The following BAHCC1 variants were observed in gnomAD, a reference collection of about 807,000 sequenced individuals.
The protein encoded by BAHCC1 is BAH and coiled-coil domain-containing protein 1.
Under a neutral mutation model 88.2 loss-of-function variants are expected in BAHCC1, and 43 were observed. That is an observed-to-expected ratio of 0.49 (90% CI 0.38 to 0.63). The LOEUF is 0.63. Among genes scored for constraint, BAHCC1 ranks in the 20% least tolerant of loss-of-function variants. The probability of loss-of-function intolerance (pLI) is 0.00; values close to 1 mark genes in which losing one functional copy is unlikely to be tolerated. For missense variants in BAHCC1, 3,023 were observed against 1,654.8 expected, an observed-to-expected ratio of 1.83 and a Z score of -14.34; for synonymous variants, 1,510 against 745.5, an observed-to-expected ratio of 2.03 and a Z score of -16.71.
At chr17:81,445,818 C>T (rs560953450) in intron 10 of BAHCC1, 137 bp downstream of exon 10, 93 of 606,574 alleles carry the variant, frequency 1.5e-4, no homozygotes, top group Non-Finnish European at 6.2e-5. Context: ...CATGGCTGTT[C>T]CCTTCCTCTC....
intron 2 of BAHCC1, chr17:81,410,151 C>T (rs1004355272): frequency 1.2e-5 from 3 of 259,222 alleles, no homozygotes; most frequent in Non-Finnish European, 2.5e-5. Context: ...CTGTGGCCGT[C>T]CGTGTCACCT....
chr17:81,459,496 G>C lies in BAHCC1; in HGVS notation c.5797G>C (p.Val1933Leu), dbSNP rs1474382768. 1 of 779,290 alleles carries C rather than the reference G, an allele frequency of 1.3e-6. No homozygotes were observed. The highest frequency in any genetic ancestry group is 2.4e-5 in the East Asian group (1 of 41,230). The allele number at this position is 779,290 out of a possible 1,614,324, so 48.3% of individuals were successfully genotyped here. A position where few individuals can be genotyped will look rare whatever the true frequency, so the allele number is the denominator to read the frequency against. ...YSLEQLLQEAVLDVRPQSSRY... is the reference protein window; with the variant it reads ...YSLEQLLQEALLDVRPQSSRY... Reference sequence around the variant, plus strand: ...TGGGTCGTCGCCCGCGTTCCTGCAGGTTCTCGATGTGCGGCCACAGTCCAG... The same window carrying C: ...TGGGTCGTCGCCCGCGTTCCTGCAGCTTCTCGATGTGCGGCCACAGTCCAG... Residue 1933 changes from valine to leucine, a missense_variant and splice_region_variant, in exon 23 of 28, where the codon GTT (valine) becomes CTT (leucine). Transcript: ENST00000675386.
chr17:81,456,274 C>T (rs2064747413), intron 15 of BAHCC1, 23 bp from the exon 16 acceptor site: 2 of 700,390 alleles, frequency 2.9e-6, no homozygotes, highest in South Asian at 3.1e-5. Flanking sequence ...CCTGAGAGTG[C>T]AGCTGCCCCT....
chr17:81,429,658 A>G (rs1181373168), intron 3 of BAHCC1, among the ~76,000 whole-genome samples: 1 of 152,150 alleles, frequency 6.6e-6, no homozygotes, highest in Non-Finnish European at 1.5e-5. Context: ...GCCAGCAGGC[A>G]CAGCGGGCTG....
intron 17 of BAHCC1, 92 bp from the exon 18 acceptor site, chr17:81,458,044 GGGTAACCCGGGGGCGGGCAGGGGTTGCTA>G (rs1297767377): frequency 1.7e-5 from 11 of 638,352 alleles, no homozygotes; most frequent in Middle Eastern, 4.2e-4. Flanking sequence ...AGAGGTTGCT[GGGTAACCCGGGGGCGGGCAGGGGTTGCTA>G]GGTAACCAGG....
At chr17:81,409,951 G>A (rs782818451) in intron 2 of BAHCC1, 23 of 203,070 alleles carry the variant, frequency 1.1e-4, no homozygotes, top group East Asian at 3.5e-4. Flanking sequence ...TGAGGGGAGC[G>A]TGTGTAATGG....
intron 1 of BAHCC1, among the ~76,000 whole-genome samples, chr17:81,398,292 C>T (rs1449299329): frequency 6.6e-6 from 1 of 152,210 alleles, no homozygotes; most frequent in African/African-American, 2.4e-5. Flanking sequence ...CCTCCGCACC[C>T]AGAGTCTAAA....
At chr17:81,413,322 A>G (rs1174749365) in intron 2 of BAHCC1, among the ~76,000 whole-genome samples, 2 of 152,068 alleles carry the variant, frequency 1.3e-5, no homozygotes, top group Non-Finnish European at 2.9e-5. Flanking sequence ...GGCCAAGCGT[A>G]AGCCCCGGGC....
intron 3 of BAHCC1, among the ~76,000 whole-genome samples, chr17:81,433,561 CTTAGGGCAGGTGTCATCAGT>C (rs2064295575): frequency 1.3e-5 from 2 of 149,454 alleles, no homozygotes; most frequent in Non-Finnish European, 3.0e-5. Context: ...CCCTCCTGTG[CTTAGGGCAGGTGTCATCAGT>C]CCACCGAGGT....
chr17:81,436,438 G>GGGAAACGGTGTCTGGGAA (rs2064337921), intron 3 of BAHCC1, among the ~76,000 whole-genome samples: 1 of 152,248 alleles, frequency 6.6e-6, no homozygotes, highest in African/African-American at 2.4e-5. Flanking sequence ...CTCCGTGCCT[G>GGGAAACGGTGTCTGGGAA]GGAAACGGTG....
intron 2 of BAHCC1, chr17:81,415,544 C>T (rs782681378): frequency 1.2e-5 from 6 of 516,668 alleles, no homozygotes; most frequent in Non-Finnish European, 2.3e-5. Flanking sequence ...GGTCCCTGCC[C>T]TTTCAGCCTG....
At chr17:81,412,045 C>A (rs2063961346) in intron 2 of BAHCC1, among the ~76,000 whole-genome samples, 1 of 152,222 alleles carries the variant, frequency 6.6e-6, no homozygotes, top group Non-Finnish European at 1.5e-5. Flanking sequence ...CAGCTGGTGA[C>A]CCCCAGGAGG....
intron 2 of BAHCC1, among the ~76,000 whole-genome samples, chr17:81,416,470 T>TGTGC (rs1555648737): frequency 7.6e-4 from 2 of 2,634 alleles, no homozygotes; most frequent in Non-Finnish European, 2.3e-3. Flanking sequence ...GGTGTGTGTG[T>TGTGC]GTGTGTGTGT....
chr17:81,444,788 C>T lies in BAHCC1; in HGVS notation c.2633C>T (p.Pro878Leu), dbSNP rs1555653863. Residue 878 changes from proline to leucine, a missense_variant, in exon 8 of 28, where the codon CCC becomes CTC. Pro to Leu is a moderately conservative substitution (Grantham distance 98). Transcript: ENST00000675386. ...QDAPTQLVIL[P>L]SEPTPHSAPH... ...GCCCCCACACAGCTGGTCATCCTGCCCTCAGAGCCCACACCCCACAGCGCC... is the reference window on the plus strand; with the variant it reads ...GCCCCCACACAGCTGGTCATCCTGCTCTCAGAGCCCACACCCCACAGCGCC... The T allele has an allele frequency of 5.1e-6, 4 of 778,574 alleles. No homozygotes were observed. Among genetic ancestry groups the T allele is most frequent in the Non-Finnish European group, 9.6e-6 (4 of 417,540 alleles). The allele number at this position is 778,574 out of a possible 1,614,324, so 48.2% of individuals were successfully genotyped here. A position where few individuals can be genotyped will look rare whatever the true frequency, so the allele number is the denominator to read the frequency against.
chr17:81,434,601 C>T lies in BAHCC1; in HGVS notation c.359-3769C>T, dbSNP rs1555651435. 6.6e-6 allele frequency among the ~76,000 whole-genome samples: 1 copy of T among 152,146 alleles called. No homozygotes were observed. The highest frequency in any genetic ancestry group is 6.5e-5 in the Admixed American group (1 of 15,278). On this transcript the variant is annotated intron_variant, in intron 3 of 27. Coordinates refer to ENST00000675386, the MANE Select transcript of BAHCC1 (RefSeq NM_001377448.1). This position sits in a 1 kb window ranked among gnomAD's most constrained non-coding sequence, Gnocchi z 4.9. ...CCCTGCAGTGGGAAGTCCCCTGACC[C>T]CCCAGGTGATCTTGGTCCTTCTGCT... is the stretch of plus-strand genomic sequence containing the variant.
intron 2 of BAHCC1, chr17:81,410,118 GC>G: frequency 1.3e-5 from 4 of 309,262 alleles, no homozygotes; most frequent in East Asian, 1.3e-4. Flanking sequence ...TGCAGTTGTG[GC>G]CCCGGTGCCC....
chr17:81,446,767 G>C, intron 10 of BAHCC1: 1 of 636,924 alleles, frequency 1.6e-6, no homozygotes. Context: ...TGCCCACGCT[G>C]GTCTCGAATT....
At position 81,443,160 on chromosome 17, in the gene BAHCC1, C is replaced by T; in HGVS notation, c.1811C>T (p.Ala604Val). 1 of 778,392 alleles carries T rather than the reference C, an allele frequency of 1.3e-6. No individual in the cohort carries two copies. Among genetic ancestry groups the T allele is most frequent in the East Asian group, 2.4e-5 (1 of 41,216 alleles). The allele number at this position is 778,392 out of a possible 1,614,324, so 48.2% of individuals were successfully genotyped here. Residue 604 changes from alanine (A) to valine (V), a missense_variant, in exon 5 of 28, where the codon GCC becomes GTC. Transcript: ENST00000675386. ...ATCAGCGAGGAGCGCAAGGCTGGCG[C>T]CTACCTGGACCCCTTTGGCAGTGGC... ...MAISEERKAGAYLDPFGSGLQ... is the reference protein window; with the variant it reads ...MAISEERKAGVYLDPFGSGLQ...
rs924542201 is a variant in BAHCC1, at chr17:81,442,781, G to A, written c.1432G>A (p.Ala478Thr). 1 of 779,522 alleles carries A rather than the reference G, an allele frequency of 1.3e-6. No homozygotes were observed. Among genetic ancestry groups the A allele is most frequent in the Non-Finnish European group, 2.4e-6 (1 of 417,908 alleles). 48.3% of individuals were successfully genotyped at this position (779,522 alleles called of 1,614,324 possible). ...LDYLSSAGPE[A>T]SFPGLPKSGL... ...CTATCTCAGCAGCGCAGGCCCCGAG[G>A]CCTCCTTCCCCGGACTCCCTAAAAG... The change falls in exon 5 of 28, where the codon GCC becomes ACC. Residue 478 changes from alanine (A) to threonine (T), a missense_variant. Transcript: ENST00000675386.
Sources: allele counts gnomAD v4.1 joint callset (sites outside exome capture counted in the v4.1 genomes callset), GRCh38; gene constraint gnomAD v4.1.1; non-coding constraint Gnocchi (gnomAD v3.1); transcripts MANE v1.5; gene names NCBI Gene and HGNC (gene_info 2026-07-23, HGNC 2026-07-21).